Variants in FRS2 observed in about 807,000 individuals in gnomAD.
FRS2 encodes FGFR signalling adaptor.
In FRS2, 8 loss-of-function variants were observed where a neutral mutation model predicts 43.9. The ratio of observed to expected loss-of-function variants is 0.18; its 90% CI spans 0.11 to 0.33. The LOEUF is 0.33. FRS2 is among the 10% of genes least tolerant of loss of function. FRS2 has a pLI of 1.00. For missense variants in FRS2, 534 were observed against 627.6 expected (o/e 0.85, Z 1.59); for synonymous variants, 219 against 220.3 (o/e 0.99, Z 0.05).
chr12:69,494,373 T>A (rs1872706848), intron 1 of FRS2, among the ~76,000 whole-genome samples: 1 of 152,208 alleles, frequency 6.6e-6, no homozygotes. Flanking sequence ...CTGTTTCAGT[T>A]TTTCCTCCTA....
intron 1 of FRS2, among the ~76,000 whole-genome samples, chr12:69,499,567 G>A (rs1873239918): frequency 6.6e-6 from 1 of 151,976 alleles, no homozygotes; most frequent in Non-Finnish European, 1.5e-5. Flanking sequence ...CATCCACAAG[G>A]CTACATATCT....
intron 3 of FRS2, among the ~76,000 whole-genome samples, chr12:69,555,322 G>A (rs1879244299): frequency 6.6e-6 from 1 of 152,244 alleles, no homozygotes; most frequent in South Asian, 2.1e-4. Flanking sequence ...CTGGATTACA[G>A]GCATGAGCCA....
chr12:69,547,409 C>G (rs1030283698), intron 3 of FRS2, among the ~76,000 whole-genome samples: 1 of 152,060 alleles, frequency 6.6e-6, no homozygotes, highest in African/African-American at 2.4e-5. Context: ...TGCAGGTGAG[C>G]TATGGTCACA....
At chr12:69,477,841 C>T (rs900335620) in intron 1 of FRS2, among the ~76,000 whole-genome samples, 4 of 151,134 alleles carry the variant, frequency 2.6e-5, no homozygotes, top group Non-Finnish European at 5.9e-5. Flanking sequence ...TCTGGGTTCA[C>T]GCCATTCTCC....
At chr12:69,512,325 G>A (rs1874538309) in intron 1 of FRS2, among the ~76,000 whole-genome samples, 1 of 152,128 alleles carries the variant, frequency 6.6e-6, no homozygotes, top group Non-Finnish European at 1.5e-5. Context: ...GCTAGCCTTA[G>A]GACCTTTTTA....
intron 4 of FRS2, among the ~76,000 whole-genome samples, chr12:69,565,554 A>C (rs891595999): frequency 6.6e-6 from 1 of 152,152 alleles, no homozygotes; most frequent in African/African-American, 2.4e-5. Flanking sequence ...ATTTTTTTAT[A>C]TCCTTTAAGA....
At chr12:69,471,016 G>T (rs1870231752) in intron 1 of FRS2, among the ~76,000 whole-genome samples, 1 of 152,126 alleles carries the variant, frequency 6.6e-6, no homozygotes, top group Non-Finnish European at 1.5e-5. Context: ...GGCGCTGCCT[G>T]TACATGCCAG....
At chr12:69,519,716 T>C (rs923496061) in intron 1 of FRS2, among the ~76,000 whole-genome samples, 6 of 152,320 alleles carry the variant, frequency 3.9e-5, no homozygotes, top group Admixed American at 2.0e-4. Flanking sequence ...GCTCCACCTT[T>C]TGTTGCTGCA....
At chr12:69,538,197 TTA>T (rs151295024) in intron 3 of FRS2, among the ~76,000 whole-genome samples, 2,945 of 81,544 alleles carry the variant, frequency 0.036, 118 homozygotes, top group Non-Finnish European at 0.043. Context: ...AAAACAAATT[TTA>T]TATATATATA....
At chr12:69,481,317 G>A (rs185466059) in intron 1 of FRS2, among the ~76,000 whole-genome samples, 5 of 142,284 alleles carry the variant, frequency 3.5e-5, no homozygotes, top group East Asian at 4.1e-4. Flanking sequence ...GTCTCTTCCT[G>A]TTATCCAGGC....
intron 1 of FRS2, among the ~76,000 whole-genome samples, chr12:69,504,136 TGG>T (rs1873716595): frequency 6.6e-6 from 1 of 152,224 alleles, no homozygotes; most frequent in South Asian, 2.1e-4. Flanking sequence ...TCTGTTCTGA[TGG>T]AGCTTTCATT....
At chr12:69,509,137 A>G (rs1427498751) in intron 1 of FRS2, among the ~76,000 whole-genome samples, 1 of 151,874 alleles carries the variant, frequency 6.6e-6, no homozygotes, top group Non-Finnish European at 1.5e-5. Flanking sequence ...GAGATAGTCT[A>G]CTGCATCCTG....
chr12:69,513,717 A>G (rs1874694088), intron 1 of FRS2, among the ~76,000 whole-genome samples: 1 of 152,158 alleles, frequency 6.6e-6, no homozygotes, highest in Non-Finnish European at 1.5e-5. Context: ...TTTTTGACCT[A>G]AAAATGACCC....
At chr12:69,484,330 C>T (rs1005650542) in intron 1 of FRS2, among the ~76,000 whole-genome samples, 7 of 152,208 alleles carry the variant, frequency 4.6e-5, no homozygotes, top group Middle Eastern at 3.4e-3. Flanking sequence ...GTGATCTGCC[C>T]GCTTTTGCCT....
intron 4 of FRS2, among the ~76,000 whole-genome samples, chr12:69,566,828 A>C: frequency 6.6e-6 from 1 of 152,176 alleles, no homozygotes; most frequent in Non-Finnish European, 1.5e-5. Context: ...TAACTGGAAG[A>C]TCAAGTCTCA....
At chr12:69,523,487 T>A (rs1875894128) in intron 1 of FRS2, among the ~76,000 whole-genome samples, 1 of 152,174 alleles carries the variant, frequency 6.6e-6, no homozygotes, top group Non-Finnish European at 1.5e-5. Context: ...GTGAGATGGG[T>A]CTCTTGAAAC....
intron 1 of FRS2, among the ~76,000 whole-genome samples, chr12:69,475,547 A>G (rs1004900506): frequency 6.6e-6 from 1 of 152,212 alleles, no homozygotes; most frequent in African/African-American, 2.4e-5. Context: ...TGACTAGATG[A>G]GGGTGGATTG....
rs573482938 is a variant in FRS2 at position 69,482,285 on chromosome 12, T to G, written c.-261+11755T>G. 1.1e-4 allele frequency among the ~76,000 whole-genome samples: 17 copies of G among 152,334 alleles called. No homozygotes were observed. In the East Asian group the frequency reaches 3.1e-3, roughly 28 times the overall value. On this transcript the variant is annotated intron_variant, in intron 1 of 8. Coordinates refer to ENST00000549921, the MANE Select transcript of FRS2 (RefSeq NM_001278356.2). ...TTTGATACCAGATCATTTCTTTTTA[T>G]TAAACAATCCTTTAAGATATGAGTG...
At chr12:69,522,588 T>C (rs1406016253) in intron 1 of FRS2, among the ~76,000 whole-genome samples, 1 of 152,196 alleles carries the variant, frequency 6.6e-6, no homozygotes, top group East Asian at 1.9e-4. Context: ...TGTGTCTCAG[T>C]CTACTTTGGT....
Sources: gnomAD v4.1 joint callset for allele counts (sites outside exome capture counted in the v4.1 genomes callset) on GRCh38, gnomAD v4.1.1 for gene constraint, MANE v1.5 for transcripts, NCBI Gene and HGNC (gene_info 2026-07-23, HGNC 2026-07-21) for gene names.